Variants in FSTL1 observed in about 807,000 individuals in gnomAD.
The protein encoded by FSTL1 is follistatin-related protein 1.
Under a neutral mutation model 45.9 loss-of-function variants are expected in FSTL1, and 24 were observed. That is an observed-to-expected ratio of 0.52 (90% CI 0.38 to 0.74). The LOEUF (loss-of-function observed/expected upper bound fraction) is 0.74, where lower values mean the gene tolerates loss of function less well. Ranked by LOEUF, FSTL1 falls within the 30% of genes least tolerant of loss-of-function variation. FSTL1 has a pLI of 0.00. For synonymous variants in FSTL1, 120 were observed against 137.6 expected (o/e 0.87, Z 0.89); for missense variants, 340 against 381.8 (o/e 0.89, Z 0.91).
At chr3:120,410,195 C>T (rs142679988) in intron 5 of FSTL1, 2 of 161,798 alleles carry the variant, frequency 1.2e-5, no homozygotes. Context: ...AGGGCTACGT[C>T]GAAGCCCTGC....
chr3:120,450,975 G>T lies in FSTL1; in HGVS notation c.-79C>A, dbSNP rs1171661717. The T allele has an allele frequency of 2.4e-5, 11 of 457,958 alleles. No homozygotes were observed. The East Asian group carries it at 3.9e-4, about 16-fold the overall frequency. The allele number at this position is 457,958 out of a possible 1,614,324, so 28.4% of individuals were successfully genotyped here. A position where few individuals can be genotyped will look rare whatever the true frequency, so the allele number is the denominator to read the frequency against. ...TGTAAGCGGAGGTGGGAGCTCCGCC[G>T]ATCGCCAGCCTCGGAGGAAATGCGA... On this transcript the variant is annotated 5_prime_UTR_variant, in exon 1 of 11. Transcript: ENST00000295633.
In FSTL1 at chr3:120,432,847, T is replaced by G. The variant is rs535235552; in HGVS notation, c.64-16820A>C. On this transcript the variant is annotated intron_variant, in intron 2 of 10. Coordinates refer to ENST00000295633, the MANE Select transcript of FSTL1 (RefSeq NM_007085.5). ...TGGAGGTGGTTGGCCCCCAGGGACT[T>G]CACTCAATGCTGTCCACTGTGTTAG... Among the ~76,000 whole-genome samples, 5 of 152,314 alleles carry G rather than the reference T, an allele frequency of 3.3e-5. No homozygotes were observed. The South Asian group carries it at 1.0e-3, about 32-fold the overall frequency.
chr3:120,410,933 A>AG lies in FSTL1; in HGVS notation c.331+18dup, dbSNP rs1937038463. On this transcript the variant is annotated intron_variant, in intron 5 of 10. Coordinates refer to ENST00000295633, the MANE Select transcript of FSTL1 (RefSeq NM_007085.5). ...ATGTCCTCCCTGAGATGCACACAGT[A>AG]GAAAAAATAGGCACTCACCTGGGCT... 6.3e-7 allele frequency: 1 copy of AG among 1,586,016 alleles called. No individual in the cohort carries two copies. Among genetic ancestry groups the AG allele is most frequent in the African/African-American group, 1.3e-5 (1 of 74,304 alleles).
chr3:120,407,371 G>A (rs1300640963), intron 6 of FSTL1, among the ~76,000 whole-genome samples: 2 of 152,182 alleles, frequency 1.3e-5, no homozygotes, highest in Admixed American at 1.3e-4. Context: ...CAGGGATTGA[G>A]ATCACACCCA....
intron 5 of FSTL1, chr3:120,410,201 C>T (rs1388074127): frequency 6.2e-6 from 1 of 162,370 alleles, no homozygotes; most frequent in South Asian, 1.7e-4. Context: ...ACGTCGAAGC[C>T]CTGCTCTGGA....
chr3:120,415,791 C>A, intron 3 of FSTL1, 132 bp downstream of exon 3: 1 of 525,080 alleles, frequency 1.9e-6, no homozygotes, highest in Non-Finnish European at 3.5e-6. Flanking sequence ...AAGAATTCCA[C>A]GTTTTTCAGG....
chr3:120,400,127 T>C (rs1031441727), intron 9 of FSTL1, 168 bp from the exon 10 acceptor site: 17 of 626,528 alleles, frequency 2.7e-5, no homozygotes, highest in Admixed American at 2.1e-4. Context: ...CCTGTGTAAT[T>C]GATACCTCCA....
At position 120,399,879 on chromosome 3, in the gene FSTL1, T is replaced by C. The variant is rs375335990; in HGVS notation, c.882+4A>G. 31 of 1,594,990 alleles carry C rather than the reference T, an allele frequency of 1.9e-5. No individual in the cohort carries two copies. The highest frequency in any genetic ancestry group is 2.5e-5 in the Non-Finnish European group (29 of 1,167,528). On this transcript the variant is annotated splice_donor_region_variant and intron_variant, in intron 10 of 10. Coordinates refer to ENST00000295633, the MANE Select transcript of FSTL1 (RefSeq NM_007085.5). ...CCTGAACCAGCACGGAGGCTGCCAC[T>C]CACCTGATGCTTTTGGAGCTCCTGG...
Position 120,402,911 on chromosome 3 carries a change from G to A in FSTL1, c.702C>T (p.Ala234=). Residue 234 remains alanine (A), a synonymous_variant, in exon 9 of 11, where the codon GCC becomes GCT. Transcript: ENST00000295633. ...PSFNPPEKKC[A]LEDETYADGA... ...CATCTGCATACGTTTCATCCTCCAG[G>A]GCACACTCTGTTGGGCCAGAAATAC... 1.2e-6 allele frequency: 2 copies of A among 1,603,740 alleles called. No individual in the cohort carries two copies. The highest frequency in any genetic ancestry group is 8.5e-7 in the Non-Finnish European group (1 of 1,170,638).
chr3:120,396,619 G>A lies in FSTL1; in HGVS notation c.*333C>T. On this transcript the variant is annotated 3_prime_UTR_variant, in exon 11 of 11. Coordinates refer to ENST00000295633, the MANE Select transcript of FSTL1 (RefSeq NM_007085.5). ...CTCTCTGGCATCGTGTGCACTCCCT[G>A]CAGCCTGCTGACAGATGCAGTAAAC... The A allele has an allele frequency of 3.9e-6, 1 of 256,688 alleles. No individual in the cohort carries two copies. The highest frequency in any genetic ancestry group is 9.4e-5 in the East Asian group (1 of 10,622). The allele number at this position is 256,688 out of a possible 1,614,324, so 15.9% of individuals were successfully genotyped here. A position where few individuals can be genotyped will look rare whatever the true frequency, so the allele number is the denominator to read the frequency against.
Position 120,450,738 on chromosome 3 carries a change from T to A in FSTL1, c.9A>T (p.Lys3Asn). 1.9e-6 allele frequency: 3 copies of A among 1,579,658 alleles called. No individual in the cohort carries two copies. The highest frequency in any genetic ancestry group is 2.6e-6 in the Non-Finnish European group (3 of 1,169,632). MW[K>N]RWLALALALV... ...GCGCGAGCGCGAGCGCGAGCCAGCG[T>A]TTCCACATCTGCGGAAGAGAGAAGA... Residue 3 changes from lysine to asparagine, a missense_variant, in exon 2 of 11, where the codon AAA (lysine) becomes AAT (asparagine). Physicochemically the swap from Lys to Asn is moderately conservative, Grantham distance 94. Coordinates refer to ENST00000295633, the MANE Select transcript of FSTL1 (RefSeq NM_007085.5).
intron 2 of FSTL1, among the ~76,000 whole-genome samples, chr3:120,449,022 C>G (rs1053048059): frequency 2.0e-5 from 3 of 152,200 alleles, no homozygotes; most frequent in Admixed American, 1.3e-4. Context: ...TTGAGGGCCA[C>G]AGCAGGGGAT....
chr3:120,447,326 C>T (rs191601212), intron 2 of FSTL1, among the ~76,000 whole-genome samples: 18 of 152,308 alleles, frequency 1.2e-4, no homozygotes, highest in Admixed American at 1.2e-3. Flanking sequence ...AAAGGGATAT[C>T]TGTGTAATTA....
intron 7 of FSTL1, 133 bp from the exon 8 acceptor site, chr3:120,403,487 C>G (rs941671358): frequency 3.3e-6 from 2 of 608,416 alleles, no homozygotes; most frequent in Admixed American, 2.9e-5. Flanking sequence ...CTAAAACAGC[C>G]TCTCTCTACA....
In FSTL1 at chr3:120,444,412, G is replaced by A. The variant is rs753559706; in HGVS notation, c.63+6272C>T. Among the ~76,000 whole-genome samples the A allele has an allele frequency of 1.5e-4, 22 of 149,550 alleles. 2 individuals carry two copies. The highest frequency in any genetic ancestry group is 2.4e-4 in the Non-Finnish European group (16 of 68,018). On this transcript the variant is annotated intron_variant, in intron 2 of 10. Transcript: ENST00000295633. ...CAAGTTCAGTAGGAAAGAATTCTAT[G>A]ATTGATTAGAAATGTCTGTCATGGG...
chr3:120,399,609 C>G (rs1936777212), intron 10 of FSTL1, among the ~76,000 whole-genome samples: 1 of 152,200 alleles, frequency 6.6e-6, no homozygotes, highest in African/African-American at 2.4e-5. Flanking sequence ...ACTTCCACCT[C>G]ATTTGCAAAT....
intron 2 of FSTL1, among the ~76,000 whole-genome samples, chr3:120,418,081 A>G (rs1937217131): frequency 1.3e-5 from 2 of 152,262 alleles, no homozygotes; most frequent in South Asian, 4.1e-4. Flanking sequence ...AGTAAGTATT[A>G]AAAACGGATT....
chr3:120,411,705 G>C, intron 4 of FSTL1, 149 bp downstream of exon 4: 2 of 706,768 alleles, frequency 2.8e-6, no homozygotes, highest in Non-Finnish European at 4.8e-6. Context: ...AGTGACAAGA[G>C]GATGCAACTC....
At chr3:120,399,854 C>G in intron 10 of FSTL1, 29 bp downstream of exon 10, 3 of 1,507,698 alleles carry the variant, frequency 2.0e-6, no homozygotes, top group Non-Finnish European at 2.7e-6. Flanking sequence ...AACAGCAACA[C>G]CTGAACCAGC....
Sources: gnomAD v4.1 joint callset for allele counts (sites outside exome capture counted in the v4.1 genomes callset) on GRCh38, gnomAD v4.1.1 for gene constraint, MANE v1.5 for transcripts, NCBI Gene and HGNC (gene_info 2026-07-23, HGNC 2026-07-21) for gene names.